The following PUDP variants were observed in gnomAD, a reference collection of about 807,000 sequenced individuals.
PUDP encodes the protein pseudouridine 5'-phosphatase.
In PUDP, 8 loss-of-function variants were observed where a neutral mutation model predicts 9.4. The observed-to-expected ratio is 0.85, with a 90% CI of 0.50 to 1.53. PUDP has a LOEUF of 1.53. Among genes scored for constraint, PUDP ranks in the 40% most tolerant of loss-of-function variants. The pLI, the probability that PUDP is intolerant of heterozygous loss-of-function variation, is 0.00. For missense variants in PUDP, 188 were observed against 189.7 expected (o/e 0.99, Z 0.05); for synonymous variants, 99 against 80.7 (o/e 1.23, Z -1.22).
At chrX:6,956,216 A>T (rs1291655311) in intron 3 of PUDP, among the ~76,000 whole-genome samples, 1 of 111,242 alleles carries the variant, frequency 9.0e-6, no homozygotes, top group Non-Finnish European at 1.9e-5. Context: ...CGCCCAGCTA[A>T]CTTTTTTGTA....
At chrX:6,794,896 A>ATT (rs35920465) in intron 3 of PUDP, among the ~76,000 whole-genome samples, 4 of 96,929 alleles carry the variant, frequency 4.1e-5, no homozygotes, top group Non-Finnish European at 8.2e-5. Context: ...CTTTTCTGCA[A>ATT]TTTTTTTACT....
chrX:7,085,677 T>C (rs1931242815), intron 2 of PUDP, among the ~76,000 whole-genome samples: 1 of 112,202 alleles, frequency 8.9e-6, no homozygotes, highest in African/African-American at 3.2e-5. Flanking sequence ...GCTGATGCAT[T>C]TATTTCTTGT....
intron 1 of PUDP, among the ~76,000 whole-genome samples, chrX:6,717,554 T>C (rs1468195291): frequency 1.8e-5 from 2 of 112,043 alleles, no homozygotes; most frequent in Non-Finnish European, 3.8e-5. Flanking sequence ...CTGTGGTCCC[T>C]GCCCTCTTGT....
chrX:6,968,909 C>T (rs996711346), intron 3 of PUDP, among the ~76,000 whole-genome samples: 2 of 112,154 alleles, frequency 1.8e-5, no homozygotes, highest in African/African-American at 6.5e-5. Context: ...CGTGAGCCAC[C>T]GCACCTGGCC....
chrX:7,041,212 C>CGA (rs905309348), intron 1 of PUDP, among the ~76,000 whole-genome samples: 3 of 111,433 alleles, frequency 2.7e-5, no homozygotes, highest in African/African-American at 9.8e-5. Context: ...GGGCAGGAAG[C>CGA]GAGAGTTTGG....
chrX:7,103,221 T>C (rs1384246639), intron 2 of PUDP, among the ~76,000 whole-genome samples: 8 of 111,794 alleles, frequency 7.2e-5, no homozygotes, highest in African/African-American at 2.0e-4. Context: ...TACATACTAA[T>C]AGAATAGAAT....
chrX:7,043,383 C>A (rs1370208562), intron 1 of PUDP, among the ~76,000 whole-genome samples: 3 of 110,960 alleles, frequency 2.7e-5, no homozygotes, highest in Middle Eastern at 9.2e-3. Flanking sequence ...TCTCTTGCTT[C>A]TTCTCTCTCA....
intron 3 of PUDP, among the ~76,000 whole-genome samples, chrX:6,878,313 C>T (rs1205151890): frequency 9.0e-6 from 1 of 110,689 alleles, no homozygotes; most frequent in Non-Finnish European, 1.9e-5. Flanking sequence ...AAATTCCTGC[C>T]ATTGAAGTAC....
chrX:6,716,811 T>G (rs1400173551), intron 1 of PUDP, among the ~76,000 whole-genome samples: 2 of 111,111 alleles, frequency 1.8e-5, no homozygotes, highest in African/African-American at 6.6e-5. Flanking sequence ...TTTTCAAAAT[T>G]TTTGCAGAGC....
At chrX:6,858,392 C>T (rs1160089604) in intron 3 of PUDP, among the ~76,000 whole-genome samples, 2 of 101,478 alleles carry the variant, frequency 2.0e-5, no homozygotes, top group African/African-American at 7.3e-5. Flanking sequence ...TGCAGTGGCA[C>T]AATGATGGCT....
intron 1 of PUDP, among the ~76,000 whole-genome samples, chrX:7,006,414 T>C (rs1484908045): frequency 1.8e-5 from 2 of 112,247 alleles, no homozygotes; most frequent in African/African-American, 6.5e-5. Context: ...TCATTGTGGT[T>C]TACATTTTCA....
At chrX:6,968,806 G>T (rs1373860044) in intron 3 of PUDP, among the ~76,000 whole-genome samples, 1 of 111,134 alleles carries the variant, frequency 9.0e-6, no homozygotes, top group Non-Finnish European at 1.9e-5. Context: ...TTTTAGTAGA[G>T]ACAGGGTTTC....
At chrX:6,823,912 A>G (rs749965432) in intron 3 of PUDP, among the ~76,000 whole-genome samples, 2 of 112,459 alleles carry the variant, frequency 1.8e-5, no homozygotes, top group Non-Finnish European at 3.8e-5. Flanking sequence ...AATGCATTAT[A>G]ATTAGCATAT....
At chrX:6,912,484 T>C (rs536679123) in intron 3 of PUDP, among the ~76,000 whole-genome samples, 3 of 112,334 alleles carry the variant, frequency 2.7e-5, no homozygotes, top group African/African-American at 6.5e-5. Context: ...AAGAGGCTTA[T>C]ATTTTCCCTC....
intron 1 of PUDP, among the ~76,000 whole-genome samples, chrX:6,996,332 T>C (rs1929249574): frequency 9.0e-6 from 1 of 110,835 alleles, no homozygotes; most frequent in Non-Finnish European, 1.9e-5. Context: ...AATCAAAGGG[T>C]AGAACAATAG....
At chrX:7,114,683 AT>A (rs751836402) in intron 1 of PUDP, among the ~76,000 whole-genome samples, 7 of 112,004 alleles carry the variant, frequency 6.2e-5, no homozygotes, top group Non-Finnish European at 1.3e-4. Context: ...AGTGATTTGA[AT>A]GTGTGCTCAA....
At chrX:6,789,830 C>A (rs1379582600) in intron 3 of PUDP, among the ~76,000 whole-genome samples, 2 of 98,872 alleles carry the variant, frequency 2.0e-5, no homozygotes, top group African/African-American at 7.5e-5. Flanking sequence ...GAAGATAGAT[C>A]ATAGAGATAG....
At chrX:7,021,328 G>A (rs1186097754) in intron 1 of PUDP, among the ~76,000 whole-genome samples, 3 of 111,669 alleles carry the variant, frequency 2.7e-5, no homozygotes, top group African/African-American at 9.8e-5. Flanking sequence ...ACTCCTTTGC[G>A]ACCTGAAAGT....
intron 3 of PUDP, among the ~76,000 whole-genome samples, chrX:6,864,901 T>C (rs753707305): frequency 4.7e-4 from 53 of 111,992 alleles, no homozygotes; most frequent in African/African-American, 1.5e-3. Context: ...CTTAATTTCA[T>C]CTCCACATGA....
Sources: gnomAD v4.1 joint callset for allele counts (sites outside exome capture counted in the v4.1 genomes callset) on GRCh38, gnomAD v4.1.1 for gene constraint, MANE v1.5 for transcripts, NCBI Gene and HGNC (gene_info 2026-07-23, HGNC 2026-07-21) for gene names.